Variants in FMN2 observed in about 807,000 individuals in gnomAD.
The protein encoded by FMN2 is formin-2.
Under a neutral mutation model 142.3 loss-of-function variants are expected in FMN2, and 51 were observed. That is an observed-to-expected ratio of 0.36 (90% CI 0.29 to 0.45). The LOEUF is 0.45. FMN2 is among the 20% of genes least tolerant of loss of function. The pLI is 1.00. For synonymous variants in FMN2, 882 were observed against 869.8 expected, an observed-to-expected ratio of 1.01 and a Z score of -0.25; for missense variants, 1,936 against 2,122.8, an observed-to-expected ratio of 0.91 and a Z score of 1.73.
intron 2 of FMN2, chr1:240,170,957 A>G (rs896603966): frequency 1.3e-6 from 1 of 787,952 alleles, no homozygotes; most frequent in African/African-American, 1.7e-5. Flanking sequence ...GGAGGAGTGG[A>G]CTACTCCTTT....
intron 16 of FMN2, among the ~76,000 whole-genome samples, chr1:240,471,155 A>G (rs1248184599): frequency 1.3e-5 from 2 of 152,150 alleles, no homozygotes; most frequent in Admixed American, 6.5e-5. Context: ...TTTCCTTGTC[A>G]TATATGCTTA....
chr1:240,132,229 TA>T (rs1313498524), intron 2 of FMN2, among the ~76,000 whole-genome samples: 3 of 152,172 alleles, frequency 2.0e-5, no homozygotes, highest in Non-Finnish European at 4.4e-5. Flanking sequence ...TTTGGGACTT[TA>T]TGGAGGCTAT....
intron 13 of FMN2, among the ~76,000 whole-genome samples, chr1:240,344,653 G>A (rs1671851465): frequency 6.6e-6 from 1 of 152,130 alleles, no homozygotes. Context: ...CAAGTCATTA[G>A]TCGTTGAATT....
chr1:240,170,971 T>C lies in FMN2; in HGVS notation c.1783-6950T>C, dbSNP rs1381071296. 5 of 791,460 alleles carry C rather than the reference T, an allele frequency of 6.3e-6. No homozygotes were observed. In the East Asian group the frequency reaches 9.7e-5, roughly 15 times the overall value. The allele number at this position is 791,460 out of a possible 1,614,324, so 49.0% of individuals were successfully genotyped here. On this transcript the variant is annotated intron_variant, in intron 2 of 17. Coordinates refer to ENST00000319653, the MANE Select transcript of FMN2 (RefSeq NM_020066.5). ...TGGAGGAGTGGACTACTCCTTTGAA[T>C]GTATTAGGAATGTCAAGGTCGTGAG...
chr1:240,147,043 G>A (rs1051273754), intron 2 of FMN2, among the ~76,000 whole-genome samples: 3 of 152,124 alleles, frequency 2.0e-5, no homozygotes, highest in African/African-American at 7.2e-5. Context: ...GGTTTTTTCA[G>A]TTTAGTTGGC....
At chr1:240,273,752 A>G (rs1669099967) in intron 7 of FMN2, among the ~76,000 whole-genome samples, 1 of 152,110 alleles carries the variant, frequency 6.6e-6, no homozygotes. Flanking sequence ...CACTTGCTGT[A>G]TCTTCTCTCT....
At chr1:240,352,580 C>A (rs1672129878) in intron 13 of FMN2, among the ~76,000 whole-genome samples, 1 of 151,680 alleles carries the variant, frequency 6.6e-6, no homozygotes, top group Non-Finnish European at 1.5e-5. Flanking sequence ...GACTTTGTCT[C>A]AAAAAAAATT....
rs57841541 is a variant in FMN2, at chr1:240,105,100, C to CT, written c.1615+11402dup. 9.4e-3 allele frequency among the ~76,000 whole-genome samples: 684 copies of CT among 73,028 alleles called. 75 individuals carry two copies. Among genetic ancestry groups the CT allele is most frequent in the African/African-American group, 0.023 (436 of 18,718 alleles). 47.9% of individuals were successfully genotyped at this position (73,028 alleles called of 152,430 possible). On this transcript the variant is annotated intron_variant, in intron 1 of 17. Transcript: ENST00000319653. ...CAGAATGCTTTCCTAGTTTATGCTTCTTTTTTTTTTTTTTTTTTTTTTTTT... is the reference window on the plus strand; with the variant it reads ...CAGAATGCTTTCCTAGTTTATGCTTCTTTTTTTTTTTTTTTTTTTTTTTTTT...
intron 14 of FMN2, among the ~76,000 whole-genome samples, chr1:240,367,767 CAAAAAAAAAAAAA>C (rs60368715): frequency 5.6e-5 from 3 of 54,044 alleles, no homozygotes; most frequent in South Asian, 7.6e-4. Context: ...GACTCAGTCT[CAAAAAAAAAAAAA>C]AAAAAAAAAA....
intron 7 of FMN2, among the ~76,000 whole-genome samples, chr1:240,287,903 G>C (rs1314354603): frequency 1.3e-5 from 2 of 152,170 alleles, no homozygotes; most frequent in African/African-American, 2.4e-5. Flanking sequence ...TGTGGTCACT[G>C]TGCCCCACTG....
chr1:240,325,840 G>A (rs1459058584), intron 8 of FMN2, among the ~76,000 whole-genome samples: 3 of 152,230 alleles, frequency 2.0e-5, no homozygotes, highest in South Asian at 2.1e-4. Context: ...CAAGACGGCT[G>A]TGATGTACCT....
chr1:240,251,727 T>C (rs1412472193), intron 6 of FMN2, among the ~76,000 whole-genome samples: 4 of 152,192 alleles, frequency 2.6e-5, no homozygotes, highest in African/African-American at 7.2e-5. Flanking sequence ...TCTAATAATA[T>C]GTTTTATATA....
rs1019919303 is a variant in FMN2 at position 240,354,865 on chromosome 1, G to GT, written c.4766-942dup. Among the ~76,000 whole-genome samples, 307 of 150,076 alleles carry GT rather than the reference G, an allele frequency of 2.0e-3. 1 individual carries two copies. The highest frequency in any genetic ancestry group is 5.5e-3 in the African/African-American group (227 of 40,902). ...GGATTTTTTTGTTGTTGTCGTTGTT[G>GT]TTTTTTTTTGCATCAGATGTGTTCT... is the stretch of plus-strand genomic sequence containing the variant. On this transcript the variant is annotated intron_variant, in intron 13 of 17. Coordinates refer to ENST00000319653, the MANE Select transcript of FMN2 (RefSeq NM_020066.5).
intron 7 of FMN2, among the ~76,000 whole-genome samples, chr1:240,276,684 G>T (rs1035136063): frequency 6.6e-6 from 1 of 151,996 alleles, no homozygotes; most frequent in Admixed American, 6.6e-5. Flanking sequence ...GACCCTCATG[G>T]TGCAGACTAC....
At chr1:240,331,552 A>C (rs1671378901) in intron 11 of FMN2, among the ~76,000 whole-genome samples, 1 of 152,240 alleles carries the variant, frequency 6.6e-6, no homozygotes, top group Non-Finnish European at 1.5e-5. Flanking sequence ...TTGTAGAAAT[A>C]AAAATATGTA....
intron 14 of FMN2, among the ~76,000 whole-genome samples, chr1:240,370,206 A>G (rs1404383936): frequency 6.6e-6 from 1 of 151,544 alleles, no homozygotes; most frequent in Non-Finnish European, 1.5e-5. Context: ...AATTTTCCTT[A>G]TTTTCTATCC....
chr1:240,458,401 A>ACT (rs1676323911), intron 16 of FMN2: 1 of 152,064 alleles, frequency 6.6e-6, no homozygotes, highest in South Asian at 2.1e-4. Flanking sequence ...AATTGCATAA[A>ACT]CTCTCTATAA....
intron 8 of FMN2, among the ~76,000 whole-genome samples, chr1:240,324,719 A>G (rs1372650888): frequency 6.6e-6 from 1 of 152,012 alleles, no homozygotes; most frequent in Non-Finnish European, 1.5e-5. Context: ...GAGGGAAGAA[A>G]GAAAGAGAAA....
At chr1:240,452,070 A>G (rs1471384488) in intron 16 of FMN2, among the ~76,000 whole-genome samples, 1 of 152,090 alleles carries the variant, frequency 6.6e-6, no homozygotes, top group East Asian at 1.9e-4. Flanking sequence ...ACTCACCTGT[A>G]GTCCCAGCTA....
Sources: allele counts gnomAD v4.1 joint callset (sites outside exome capture counted in the v4.1 genomes callset), GRCh38; gene constraint gnomAD v4.1.1; transcripts MANE v1.5; gene names NCBI Gene and HGNC (gene_info 2026-07-23, HGNC 2026-07-21).